The following CNTLN variants were observed in gnomAD, a reference collection of about 807,000 sequenced individuals.
CNTLN encodes the protein centlein, centrosomal protein.
CNTLN carries 212 observed loss-of-function variants against 180.0 expected under a neutral mutation model. That is an observed-to-expected ratio of 1.18 (90% confidence interval 1.05 to 1.32). CNTLN has a LOEUF of 1.32. CNTLN is among the 40% of genes most tolerant of loss of function. The pLI, the probability that CNTLN is intolerant of heterozygous loss-of-function variation, is 0.00. For missense variants in CNTLN, 2,095 were observed against 1,610.9 expected (o/e 1.30, Z -5.14); for synonymous variants, 722 against 563.1 (o/e 1.28, Z -3.99).
At chr9:17,346,362 G>A (rs1236352128) in intron 12 of CNTLN, among the ~76,000 whole-genome samples, 1 of 152,046 alleles carries the variant, frequency 6.6e-6, no homozygotes, top group African/African-American at 2.4e-5. Flanking sequence ...AACTGCCCCC[G>A]TGATCCAGTC....
chr9:17,271,377 C>G (rs1827936240), intron 5 of CNTLN, among the ~76,000 whole-genome samples: 1 of 152,150 alleles, frequency 6.6e-6, no homozygotes, highest in South Asian at 2.1e-4. Context: ...TTAGGACCAC[C>G]TGTACTAAGG....
intron 13 of CNTLN, among the ~76,000 whole-genome samples, chr9:17,385,513 A>G (rs113679797): frequency 5.8e-4 from 88 of 152,258 alleles, no homozygotes; most frequent in African/African-American, 2.0e-3. Flanking sequence ...CTTTGCTTGT[A>G]ATAACAAAAG....
At chr9:17,395,668 A>G (rs144400146) in intron 15 of CNTLN, among the ~76,000 whole-genome samples, 170 of 152,266 alleles carry the variant, frequency 1.1e-3, no homozygotes, top group Non-Finnish European at 2.0e-3. Context: ...TAGTTCTTTA[A>G]AGTTATAGCT....
Position 17,332,761 on chromosome 9 carries a change from C to A in CNTLN, c.1644+31C>A, listed in dbSNP as rs546752970. 5.9e-6 allele frequency: 9 copies of A among 1,530,414 alleles called. No individual in the cohort carries two copies. In the South Asian group the frequency reaches 6.4e-5, roughly 11 times the overall value. 94.8% of individuals were successfully genotyped at this position (1,530,414 alleles called of 1,614,324 possible). On this transcript the variant is annotated intron_variant, in intron 10 of 25. Transcript: ENST00000380647. The stretch of plus-strand genomic sequence containing the variant: ...CATTAAATCATTTCTTTAGTAGTAA[C>A]CTTGCAAAGATAAAAATATACCAAA...
At chr9:17,390,365 A>G (rs547597963) in intron 14 of CNTLN, among the ~76,000 whole-genome samples, 21 of 148,506 alleles carry the variant, frequency 1.4e-4, no homozygotes, top group Non-Finnish European at 3.0e-4. Flanking sequence ...CAGTCTCCCA[A>G]GTAACTGGGA....
chr9:17,198,622 G>T (rs1323497800), intron 2 of CNTLN, among the ~76,000 whole-genome samples: 1 of 149,236 alleles, frequency 6.7e-6, no homozygotes, highest in African/African-American at 2.5e-5. Flanking sequence ...TTAAGTTCTG[G>T]GATACACGTG....
At chr9:17,229,528 T>C (rs892482686) in intron 3 of CNTLN, among the ~76,000 whole-genome samples, 3 of 152,054 alleles carry the variant, frequency 2.0e-5, no homozygotes, top group Non-Finnish European at 2.9e-5. Flanking sequence ...GAACAGTTTA[T>C]GTTACATTGC....
intron 5 of CNTLN, among the ~76,000 whole-genome samples, chr9:17,257,870 G>A (rs1301750287): frequency 1.4e-5 from 2 of 142,566 alleles, no homozygotes; most frequent in African/African-American, 5.5e-5. Context: ...GTAGATTCTG[G>A]ATATTAGCCC....
At chr9:17,344,013 C>G (rs543748383) in intron 12 of CNTLN, among the ~76,000 whole-genome samples, 9 of 152,202 alleles carry the variant, frequency 5.9e-5, no homozygotes, top group African/African-American at 1.9e-4. Flanking sequence ...TGTATCAATG[C>G]TTTTATCTGA....
intron 10 of CNTLN, among the ~76,000 whole-genome samples, chr9:17,337,212 C>G (rs1407921331): frequency 6.6e-6 from 1 of 151,590 alleles, no homozygotes; most frequent in African/African-American, 2.4e-5. Flanking sequence ...GATATTAGCC[C>G]TTTGTCAGAT....
At position 17,404,294 on chromosome 9, in the gene CNTLN, A is replaced by C. The variant is rs148248575; in HGVS notation, c.2616-4999A>C. Among the ~76,000 whole-genome samples the C allele has an allele frequency of 3.1e-4, 47 of 151,922 alleles. 1 individual carries two copies. Among genetic ancestry groups the C allele is most frequent in the African/African-American group, 9.7e-4 (40 of 41,224 alleles). On this transcript the variant is annotated intron_variant, in intron 15 of 25. Coordinates refer to ENST00000380647, the MANE Select transcript of CNTLN (RefSeq NM_017738.4). ...TTTATCTCCAAGAATGCATAGGTCC[A>C]GGAATAAAGTATTTTAGGTTGGCGT...
intron 2 of CNTLN, among the ~76,000 whole-genome samples, chr9:17,188,707 CATATAAG>C (rs1821592497): frequency 6.6e-6 from 1 of 152,070 alleles, no homozygotes; most frequent in Non-Finnish European, 1.5e-5. Context: ...GTATATGTTT[CATATAAG>C]ATTCTATATT....
At chr9:17,444,041 A>G (rs779431362) in intron 18 of CNTLN, among the ~76,000 whole-genome samples, 1 of 152,240 alleles carries the variant, frequency 6.6e-6, no homozygotes, top group Non-Finnish European at 1.5e-5. Context: ...GACTGTCTTG[A>G]TAGCAAGTGA....
intron 18 of CNTLN, among the ~76,000 whole-genome samples, chr9:17,439,877 A>G (rs1830004352): frequency 6.6e-6 from 1 of 152,244 alleles, no homozygotes. Context: ...ACCAGACACC[A>G]GATCTATCCA....
chr9:17,405,713 G>C (rs1375171130), intron 15 of CNTLN, among the ~76,000 whole-genome samples: 2 of 151,538 alleles, frequency 1.3e-5, no homozygotes, highest in Non-Finnish European at 2.9e-5. Flanking sequence ...TAACATCATT[G>C]TTACCACCTA....
chr9:17,455,161 T>G (rs1831040240), intron 18 of CNTLN, among the ~76,000 whole-genome samples: 1 of 152,184 alleles, frequency 6.6e-6, no homozygotes, highest in African/African-American at 2.4e-5. Context: ...AGAGCTCCAG[T>G]TATTTGTCCA....
rs1817622390 is a variant in CNTLN at position 17,135,269 on chromosome 9, G to A, written c.204G>A (p.Gly68=). Residue 68 remains glycine (G), a synonymous_variant, in exon 1 of 26, where the codon GGG becomes GGA. Transcript: ENST00000380647. The part of the protein sequence containing the change: ...VGEEGSGGRR[G]PGGAAPAHAP... ...AAGAAGGGTCAGGGGGCCGGCGAGG[G>A]CCTGGGGGGGCAGCTCCGGCTCATG... The A allele has an allele frequency of 1.2e-6, 2 of 1,602,374 alleles. No individual in the cohort carries two copies. Among genetic ancestry groups the A allele is most frequent in the Non-Finnish European group, 1.7e-6 (2 of 1,175,196 alleles).
chr9:17,305,375 G>A (rs1310913453), intron 7 of CNTLN, among the ~76,000 whole-genome samples: 3 of 152,142 alleles, frequency 2.0e-5, no homozygotes, highest in African/African-American at 7.2e-5. Context: ...TGGATTATTA[G>A]AGGAAAGAAG....
intron 6 of CNTLN, among the ~76,000 whole-genome samples, chr9:17,295,103 C>T (rs1170134505): frequency 2.0e-5 from 3 of 150,618 alleles, no homozygotes; most frequent in East Asian, 2.0e-4. Flanking sequence ...GCCGGGCTGG[C>T]GGGGCTGGCT....
Sources: allele counts gnomAD v4.1 joint callset (sites outside exome capture counted in the v4.1 genomes callset), GRCh38; gene constraint gnomAD v4.1.1; transcripts MANE v1.5; gene names NCBI Gene and HGNC (gene_info 2026-07-23, HGNC 2026-07-21).